CCPG1: variants seen among roughly 807,000 people sequenced by gnomAD.
CCPG1 encodes cell cycle progression 1.
In CCPG1, 46 loss-of-function variants were observed where a neutral mutation model predicts 81.3. The observed-to-expected ratio is 0.57, with a 90% CI of 0.45 to 0.72. CCPG1 has a LOEUF of 0.72. CCPG1 is among the 30% of genes least tolerant of loss of function. The pLI is 0.00. For missense variants in CCPG1, 902 were observed against 937.6 expected (o/e 0.96, Z 0.50); for synonymous variants, 330 against 305.2 (o/e 1.08, Z -0.85).
At chr15:55,377,261 G>A in intron 4 of CCPG1, 111 bp from the exon 5 acceptor site, 1 of 735,314 alleles carries the variant, frequency 1.4e-6, no homozygotes, top group African/African-American at 1.8e-5. Context: ...TAAAATAAAA[G>A]ATATGATTCC....
chr15:55,356,626 C>T, intron 8 of CCPG1: 1 of 1,224,534 alleles, frequency 8.2e-7, no homozygotes. Flanking sequence ...ACTCTACTGG[C>T]AAAAAAGGGA....
chr15:55,356,369 A>C lies in CCPG1; in HGVS notation c.2275T>G (p.Ser759Ala). Residue 759 changes from serine (S) to alanine (A), a missense_variant, in exon 9 of 9, where the codon TCC becomes GCC. Physicochemically the swap from Ser to Ala is moderately conservative, Grantham distance 99 (BLOSUM62 1). This residue lies in a region of CCPG1 where 128 missense variants were observed against 161.2 expected (regional missense o/e 0.79). Coordinates refer to ENST00000442196, the MANE Select transcript of CCPG1 (RefSeq NM_001204450.2). ...KKQRMVNIENSRHRKQEQKHL... is the reference protein window; with the variant it reads ...KKQRMVNIENARHRKQEQKHL... ...TTCTGCTCTTGTTTTCGATGCCTGGAGTTTTCAATATTTACCATACGTTGC... is the reference window on the plus strand; with the variant it reads ...TTCTGCTCTTGTTTTCGATGCCTGGCGTTTTCAATATTTACCATACGTTGC... 6.5e-7 allele frequency: 1 copy of C among 1,534,914 alleles called. No homozygotes were observed. The highest frequency in any genetic ancestry group is 8.7e-7 in the Non-Finnish European group (1 of 1,146,712).
chr15:55,370,479 T>C (rs1415057994), intron 6 of CCPG1, among the ~76,000 whole-genome samples: 1 of 152,204 alleles, frequency 6.6e-6, no homozygotes, highest in East Asian at 1.9e-4. Context: ...CCAGTCATTG[T>C]ACAAACACAT....
intron 7 of CCPG1, among the ~76,000 whole-genome samples, chr15:55,363,865 G>A (rs1420701389): frequency 8.1e-6 from 1 of 123,622 alleles, no homozygotes; most frequent in Non-Finnish European, 1.6e-5. Context: ...GTGCAATAGT[G>A]TGATCTCAGC....
intron 5 of CCPG1, chr15:55,374,305 A>G (rs2056514313): frequency 1.2e-6 from 1 of 861,754 alleles, no homozygotes; most frequent in African/African-American, 1.8e-5. Flanking sequence ...TAAAGACTAA[A>G]AAGAAAAAAA....
At chr15:55,383,849 G>A (rs533985385) in intron 3 of CCPG1, among the ~76,000 whole-genome samples, 88 of 152,296 alleles carry the variant, frequency 5.8e-4, no homozygotes, top group South Asian at 5.2e-3. Flanking sequence ...AGGGAATTTT[G>A]TGGCTGGTTC....
chr15:55,371,814 T>G lies in CCPG1; in HGVS notation c.685A>C (p.Met229Leu). The part of the protein sequence containing the change: ...VILALVIAIS[M>L]GFGHFYGTIQ... ...TTACCATAGAAATGGCCAAATCCCATGCTGATTGCAATCACCAAAGCAAGT... is the reference window on the plus strand; with the variant it reads ...TTACCATAGAAATGGCCAAATCCCAGGCTGATTGCAATCACCAAAGCAAGT... Residue 229 changes from methionine (M) to leucine (L), a missense_variant, in exon 6 of 9, where the codon ATG becomes CTG. Transcript: ENST00000442196. The G allele has an allele frequency of 1.2e-6, 2 of 1,614,008 alleles. No homozygotes were observed. The highest frequency in any genetic ancestry group is 1.7e-6 in the Non-Finnish European group (2 of 1,179,874).
intron 3 of CCPG1, 83 bp from the exon 4 acceptor site, chr15:55,378,459 T>G (rs1466844108): frequency 4.0e-6 from 3 of 750,614 alleles, no homozygotes; most frequent in Non-Finnish European, 6.5e-6. Flanking sequence ...ATAATCTGGG[T>G]AGATAAAAAT....
chr15:55,385,314 T>G (rs2056777673), intron 3 of CCPG1, among the ~76,000 whole-genome samples: 1 of 152,170 alleles, frequency 6.6e-6, no homozygotes, highest in Non-Finnish European at 1.5e-5. Context: ...TACAGGCACC[T>G]GCCAATACAC....
At chr15:55,394,008 G>A (rs1463240061) in intron 1 of CCPG1, among the ~76,000 whole-genome samples, 1 of 152,106 alleles carries the variant, frequency 6.6e-6, no homozygotes, top group Non-Finnish European at 1.5e-5. Context: ...CTTTGTCTGT[G>A]TGTTTTGTCC....
chr15:55,386,279 G>C (rs753683006), intron 2 of CCPG1, among the ~76,000 whole-genome samples: 46 of 151,656 alleles, frequency 3.0e-4, no homozygotes, highest in Non-Finnish European at 8.8e-5. Flanking sequence ...TACTTATTAT[G>C]GCACTATAAA....
intron 3 of CCPG1, among the ~76,000 whole-genome samples, chr15:55,379,506 A>G (rs2056635911): frequency 6.6e-6 from 1 of 152,028 alleles, no homozygotes; most frequent in African/African-American, 2.4e-5. Flanking sequence ...CAGCCTGGAC[A>G]AGAGAGTGTG....
At chr15:55,371,724 G>C in intron 6 of CCPG1, 69 bp downstream of exon 6, 3 of 1,461,206 alleles carry the variant, frequency 2.1e-6, no homozygotes, top group Non-Finnish European at 1.9e-6. Context: ...CAGATCCCAA[G>C]AGTCCTCACT....
chr15:55,408,061 G>C (rs1159261381), intron 1 of CCPG1, 160 bp downstream of exon 1: 1 of 152,360 alleles, frequency 6.6e-6, no homozygotes, highest in African/African-American at 2.4e-5. Flanking sequence ...GAGGTCGCCC[G>C]TGCGGCCGCT....
At chr15:55,364,513 A>G (rs1322643358) in intron 7 of CCPG1, among the ~76,000 whole-genome samples, 1 of 150,996 alleles carries the variant, frequency 6.6e-6, no homozygotes, top group East Asian at 2.0e-4. Flanking sequence ...GCAGCTAGGG[A>G]TAAGAGTTCT....
At chr15:55,359,383 A>G in intron 8 of CCPG1, 156 bp downstream of exon 8, 1 of 1,405,326 alleles carries the variant, frequency 7.1e-7, no homozygotes, top group Non-Finnish European at 9.2e-7. Context: ...TAATTTTTAG[A>G]CTCCATCTTT....
rs2056178742 is a variant in CCPG1, at chr15:55,360,885, A to C, written c.888T>G (p.Phe296Leu). 1 of 1,601,336 alleles carries C rather than the reference A, an allele frequency of 6.2e-7. No homozygotes were observed. Among genetic ancestry groups the C allele is most frequent in the Non-Finnish European group, 8.5e-7 (1 of 1,176,096 alleles). ...TAGCAAGGTTCGTTTTCTGAGTTTC[A>C]AAGGACATCTTCTCTGCTTCAGTAA... The part of the protein sequence containing the change: ...WTLTEAEKMS[F>L]ETQKTNLATE... Residue 296 changes from phenylalanine (F) to leucine (L), a missense_variant, in exon 8 of 9, where the codon TTT becomes TTG. By Grantham distance (22) the Phe-to-Leu change is conservative. Coordinates refer to ENST00000442196, the MANE Select transcript of CCPG1 (RefSeq NM_001204450.2).
At chr15:55,362,206 G>C (rs16976296) in intron 7 of CCPG1, among the ~76,000 whole-genome samples, 7,674 of 151,620 alleles carry the variant, frequency 0.051, 268 homozygotes, top group East Asian at 0.16. Flanking sequence ...ATTATACATC[G>C]AGTTAAAAAT....
intron 1 of CCPG1, among the ~76,000 whole-genome samples, chr15:55,391,892 G>T (rs1430819176): frequency 8.7e-6 from 1 of 114,994 alleles, no homozygotes; most frequent in African/African-American, 2.7e-5. Flanking sequence ...AAAAAAGGGG[G>T]GGGGGGGCTA....
Sources: allele counts gnomAD v4.1 joint callset (sites outside exome capture counted in the v4.1 genomes callset), GRCh38; gene constraint gnomAD v4.1.1; regional missense constraint gnomAD v4.1.1; transcripts MANE v1.5; gene names NCBI Gene and HGNC (gene_info 2026-07-23, HGNC 2026-07-21).